RGS5: variants seen among roughly 807,000 people sequenced by gnomAD.
RGS5 encodes regulator of G protein signaling 5.
Under a neutral mutation model 18.9 loss-of-function variants are expected in RGS5, and 20 were observed. That is an observed-to-expected ratio of 1.06 (90% CI 0.74 to 1.54). RGS5 has a LOEUF of 1.54. RGS5 is among the 40% of genes most tolerant of loss of function. RGS5 has a pLI of 0.00. For synonymous variants in RGS5, 57 were observed against 76.2 expected, an observed-to-expected ratio of 0.75 and a Z score of 1.31; for missense variants, 201 against 211.8, an observed-to-expected ratio of 0.95 and a Z score of 0.32.
At chr1:163,246,152 C>T (rs1351141937) in intron 2 of RGS5, among the ~76,000 whole-genome samples, 16 of 150,964 alleles carry the variant, frequency 1.1e-4, no homozygotes, top group African/African-American at 3.4e-4. Context: ...ACCCAGGAGG[C>T]GGAGCTTGCA....
intron 2 of RGS5, among the ~76,000 whole-genome samples, chr1:163,260,387 T>C: frequency 6.6e-6 from 1 of 152,206 alleles, no homozygotes; most frequent in Non-Finnish European, 1.5e-5. Context: ...TTAAAGAGTA[T>C]GACTTCCAGT....
At chr1:163,204,573 C>T (rs1219232476), upstream of RGS5, among the ~76,000 whole-genome samples, 1 of 152,144 alleles carries the variant, frequency 6.6e-6, no homozygotes, top group Admixed American at 6.5e-5. Flanking sequence ...TGGTCTTGAA[C>T]TCTTTGCTTC....
intron 2 of RGS5, among the ~76,000 whole-genome samples, chr1:163,254,967 G>T (rs1295614358): frequency 6.6e-6 from 1 of 151,994 alleles, no homozygotes; most frequent in African/African-American, 2.4e-5. Flanking sequence ...TAGATATGCG[G>T]CGTTATTTCT....
chr1:163,146,210 T>C lies in RGS5; in HGVS notation c.*1132A>G, dbSNP rs1157307292. On this transcript the variant is annotated 3_prime_UTR_variant, in exon 5 of 5. Coordinates refer to ENST00000313961, the MANE Select transcript of RGS5 (RefSeq NM_003617.4). ...TTTGCTAATGCAGGAAGCGAAATAG[T>C]GAAGGAATACTGGGGTTGCTAAAAG... 6.6e-6 allele frequency: 1 copy of C among 151,766 alleles called. No homozygotes were observed. Among genetic ancestry groups the C allele is most frequent in the Non-Finnish European group, 1.5e-5 (1 of 67,970 alleles). 9.4% of individuals were successfully genotyped at this position (151,766 alleles called of 1,614,324 possible). A position where few individuals can be genotyped will look rare whatever the true frequency, so the allele number is the denominator to read the frequency against.
chr1:163,154,773 A>G (rs1212570557), intron 3 of RGS5, among the ~76,000 whole-genome samples: 1 of 150,954 alleles, frequency 6.6e-6, no homozygotes, highest in Non-Finnish European at 1.5e-5. Flanking sequence ...TATAAAACTT[A>G]TTTCTCTCTG....
chr1:163,160,355 G>C (rs1657752568), intron 3 of RGS5, among the ~76,000 whole-genome samples: 1 of 152,078 alleles, frequency 6.6e-6, no homozygotes, highest in Non-Finnish European at 1.5e-5. Context: ...AAACCACTAA[G>C]GCAAGACAAT....
At chr1:163,151,473 G>T (rs1439593895) in intron 4 of RGS5, among the ~76,000 whole-genome samples, 1 of 152,160 alleles carries the variant, frequency 6.6e-6, no homozygotes, top group Non-Finnish European at 1.5e-5. Flanking sequence ...GATATAGTTT[G>T]GCTCTGTGTC....
rs5778320 is a variant in RGS5 at position 163,247,582 on chromosome 1, T to TTATATATA, written c.-281+58643_-281+58650dup. Among the ~76,000 whole-genome samples the TTATATATA allele has an allele frequency of 6.6e-3, 973 of 147,624 alleles. 6 individuals are homozygous for TTATATATA. Among genetic ancestry groups the TTATATATA allele is most frequent in the African/African-American group, 0.012 (498 of 40,416 alleles). The stretch of plus-strand genomic sequence containing the variant: ...GCAATTGAACTGGATAGAAGTTGAT[T>TTATATATA]TATATATATATATATATATGTATAC... On this transcript the variant is annotated intron_variant, in intron 2 of 5. Transcript: ENST00000618415.
chr1:163,223,274 C>T (rs1017575507), intron 2 of RGS5, among the ~76,000 whole-genome samples: 1 of 152,160 alleles, frequency 6.6e-6, no homozygotes, highest in Non-Finnish European at 1.5e-5. Context: ...TAAAGCATTG[C>T]CAACTGACCA....
chr1:163,301,133 C>T (rs574106513), intron 2 of RGS5, among the ~76,000 whole-genome samples: 1 of 152,260 alleles, frequency 6.6e-6, no homozygotes, highest in African/African-American at 2.4e-5. Context: ...TCTATAAACA[C>T]ATAATTTCAG....
At chr1:163,285,495 T>G (rs1039131838) in intron 2 of RGS5, among the ~76,000 whole-genome samples, 5 of 151,970 alleles carry the variant, frequency 3.3e-5, no homozygotes, top group Non-Finnish European at 7.4e-5. Flanking sequence ...ACTGCACCAT[T>G]GCACTCCAGT....
rs1005183115 is a variant in RGS5 at position 163,217,471 on chromosome 1, C to T, written c.69+55G>A. On this transcript the variant is annotated intron_variant, in intron 1 of 5. Transcript: ENST00000367903. ...ACAAAATAACTATGCACAGTCTTTC[C>T]TGTAAATTATAACATTAAAGAAAAC... 1.8e-4 allele frequency: 271 copies of T among 1,467,694 alleles called. 1 individual carries two copies. The highest frequency in any genetic ancestry group is 2.0e-4 in the Non-Finnish European group (219 of 1,108,130). 90.9% of individuals were successfully genotyped at this position (1,467,694 alleles called of 1,614,324 possible).
At chr1:163,320,801 T>C (rs181823669) in intron 1 of RGS5, among the ~76,000 whole-genome samples, 1 of 152,358 alleles carries the variant, frequency 6.6e-6, no homozygotes, top group East Asian at 1.9e-4. Context: ...AGAATTGGTA[T>C]AGACTTCACT....
At chr1:163,217,377 T>C (rs1270797168) in intron 1 of RGS5, 1 of 753,966 alleles carries the variant, frequency 1.3e-6, no homozygotes. Context: ...GACATCAGCA[T>C]TGGCACTTTT....
chr1:163,202,061 C>T (rs1659791742), intron 1 of RGS5, among the ~76,000 whole-genome samples: 1 of 152,100 alleles, frequency 6.6e-6, no homozygotes. Context: ...CAGGGAGCCT[C>T]AAAGATTTTG....
chr1:163,319,841 T>C (rs936177547), intron 1 of RGS5, among the ~76,000 whole-genome samples: 8 of 152,218 alleles, frequency 5.3e-5, no homozygotes, highest in African/African-American at 1.9e-4. Context: ...TCTGTGTTTT[T>C]ATGGGTGATA....
chr1:163,144,974 G>A lies in RGS5; in HGVS notation c.*2368C>T, dbSNP rs1001688352. ...TTAAATGTAAGATTATATAGATGTA[G>A]ATATAGATAGATAGATATATGTAGA... On this transcript the variant is annotated 3_prime_UTR_variant, in exon 5 of 5. Coordinates refer to ENST00000313961, the MANE Select transcript of RGS5 (RefSeq NM_003617.4). The A allele has an allele frequency of 2.6e-5, 4 of 152,098 alleles. No individual in the cohort carries two copies. Among genetic ancestry groups the A allele is most frequent in the Non-Finnish European group, 4.4e-5 (3 of 68,030 alleles). 9.4% of individuals were successfully genotyped at this position (152,098 alleles called of 1,614,324 possible).
At chr1:163,204,309 C>CCACACACA (rs10616125), upstream of RGS5, among the ~76,000 whole-genome samples, 11 of 145,092 alleles carry the variant, frequency 7.6e-5, no homozygotes, top group African/African-American at 2.5e-4. Context: ...TGGCTCTAAA[C>CCACACACA]CACACACACA....
At chr1:163,157,672 A>G (rs1657640092) in intron 3 of RGS5, among the ~76,000 whole-genome samples, 1 of 151,914 alleles carries the variant, frequency 6.6e-6, no homozygotes, top group Non-Finnish European at 1.5e-5. Context: ...GCTACTCCTC[A>G]AGGTTAAATG....
Sources: gnomAD v4.1 joint callset for allele counts (sites outside exome capture counted in the v4.1 genomes callset) on GRCh38, gnomAD v4.1.1 for gene constraint, MANE v1.5 for transcripts, NCBI Gene and HGNC (gene_info 2026-07-23, HGNC 2026-07-21) for gene names.